The following TEK variants were observed in gnomAD, a reference collection of about 807,000 sequenced individuals.
TEK encodes TEK receptor tyrosine kinase, also known as angiopoietin-1 receptor.
In TEK, 43 loss-of-function variants were observed where a neutral mutation model predicts 131.8. That is an observed-to-expected ratio of 0.33 (90% CI 0.26 to 0.42). The LOEUF (loss-of-function observed/expected upper bound fraction) is 0.42. Ranked by LOEUF, TEK falls within the 10% of genes least tolerant of loss-of-function variation. The pLI is 1.00. For missense variants in TEK, 1,162 were observed against 1,384.4 expected (o/e 0.84, Z 2.55); for synonymous variants, 580 against 491.6 (o/e 1.18, Z -2.38).
intron 20 of TEK, among the ~76,000 whole-genome samples, chr9:27,219,492 T>C (rs1825962603): frequency 6.6e-6 from 1 of 151,680 alleles, no homozygotes. Flanking sequence ...TGTCAGAGGG[T>C]AGGGAACAAG....
chr9:27,219,731 A>ATATGAGTTAT (rs1564107800), intron 20 of TEK, among the ~76,000 whole-genome samples: 6 of 136,490 alleles, frequency 4.4e-5, no homozygotes, highest in Admixed American at 1.4e-4. Context: ...CAATCAGAAA[A>ATATGAGTTAT]AAAGGTTAAT....
intron 1 of TEK, among the ~76,000 whole-genome samples, chr9:27,154,733 A>G (rs897927838): frequency 1.3e-5 from 2 of 152,202 alleles, no homozygotes; most frequent in Non-Finnish European, 2.9e-5. Flanking sequence ...CTGGTACTGT[A>G]AATGGGGTTA....
intron 1 of TEK, among the ~76,000 whole-genome samples, chr9:27,117,745 C>T (rs996382419): frequency 3.3e-5 from 5 of 152,172 alleles, no homozygotes; most frequent in South Asian, 2.1e-4. Context: ...TGAAGGGCAT[C>T]GTGGGCGGCT....
chr9:27,135,160 G>A (rs924780122), intron 1 of TEK, among the ~76,000 whole-genome samples: 7 of 151,986 alleles, frequency 4.6e-5, no homozygotes, highest in Non-Finnish European at 1.0e-4. Flanking sequence ...GGAGGTGGAG[G>A]TTGCAGTGAG....
intron 1 of TEK, among the ~76,000 whole-genome samples, chr9:27,143,503 T>C (rs1224619014): frequency 2.6e-5 from 4 of 151,976 alleles, no homozygotes; most frequent in Non-Finnish European, 5.9e-5. Context: ...TCATACACTG[T>C]GATGTTGAAA....
chr9:27,177,548 C>T (rs1425749031), intron 6 of TEK, among the ~76,000 whole-genome samples: 4 of 152,120 alleles, frequency 2.6e-5, no homozygotes, highest in African/African-American at 4.8e-5. Flanking sequence ...GTTGGGAGTT[C>T]GAGACCAGCC....
At chr9:27,123,714 AC>A (rs1470310906) in intron 1 of TEK, among the ~76,000 whole-genome samples, 1 of 152,198 alleles carries the variant, frequency 6.6e-6, no homozygotes, top group Non-Finnish European at 1.5e-5. Flanking sequence ...AGATGACAAC[AC>A]TGAGGCCCAG....
At position 27,113,302 on chromosome 9, in the gene TEK, A is replaced by G. The variant is rs539011348; in HGVS notation, c.52+3660A>G. 2.0e-5 allele frequency among the ~76,000 whole-genome samples: 3 copies of G among 152,284 alleles called. No individual in the cohort carries two copies. In the East Asian group the frequency reaches 5.8e-4, roughly 29 times the overall value. On this transcript the variant is annotated intron_variant, in intron 1 of 22. Transcript: ENST00000380036. ...CCAGTGAGAACTCTCTTAATAAATG[A>G]AGCTTGGGGCCTGGTGCTGTGGCTC...
chr9:27,173,405 G>A, intron 6 of TEK, 43 bp downstream of exon 6: 1 of 1,612,742 alleles, frequency 6.2e-7, no homozygotes, highest in Non-Finnish European at 8.5e-7. Flanking sequence ...GTTCTAGCAG[G>A]TATATAAAGG....
intron 6 of TEK, among the ~76,000 whole-genome samples, chr9:27,179,597 ATTAAC>A (rs1366988968): frequency 6.6e-6 from 1 of 152,178 alleles, no homozygotes. Context: ...TTAGCAGGCA[ATTAAC>A]TTGGTAGGAT....
At chr9:27,162,634 C>G (rs1261473160) in intron 2 of TEK, among the ~76,000 whole-genome samples, 3 of 152,008 alleles carry the variant, frequency 2.0e-5, no homozygotes, top group Non-Finnish European at 4.4e-5. Flanking sequence ...ACCTAAATAA[C>G]CAAAGGAATA....
intron 16 of TEK, chr9:27,210,533 C>G (rs1337781879): frequency 6.0e-6 from 1 of 167,182 alleles, no homozygotes; most frequent in Non-Finnish European, 1.3e-5. Context: ...GTTGACCCCA[C>G]TGCAGATCTA....
chr9:27,117,006 C>T (rs1311499696), intron 1 of TEK, among the ~76,000 whole-genome samples: 3 of 151,790 alleles, frequency 2.0e-5, no homozygotes, highest in Non-Finnish European at 2.9e-5. Flanking sequence ...GGACTACAGG[C>T]GCCTGCCACC....
In TEK at chr9:27,197,615, T is replaced by G; in HGVS notation, c.1909+16T>G. 6 of 1,613,656 alleles carry G rather than the reference T, an allele frequency of 3.7e-6. No individual in the cohort carries two copies. Among genetic ancestry groups the G allele is most frequent in the Non-Finnish European group, 4.2e-6 (5 of 1,179,866 alleles). On this transcript the variant is annotated intron_variant, in intron 12 of 22. Coordinates refer to ENST00000380036, the MANE Select transcript of TEK (RefSeq NM_000459.5). ...CTTAGTGACAGTAAGTAATTCATGC[T>G]GCTCCAGCCTCATCTGAGCAATAAG...
intron 1 of TEK, among the ~76,000 whole-genome samples, chr9:27,124,726 T>G (rs1821923388): frequency 6.6e-6 from 1 of 152,030 alleles, no homozygotes; most frequent in African/African-American, 2.4e-5. Context: ...ACCTCATGGG[T>G]TTTTTTTGGA....
At chr9:27,190,336 A>C (rs957578628) in intron 9 of TEK, among the ~76,000 whole-genome samples, 193 bp from the exon 10 acceptor site, 1 of 152,166 alleles carries the variant, frequency 6.6e-6, no homozygotes, top group Non-Finnish European at 1.5e-5. Flanking sequence ...TTAAGGAAGC[A>C]CTTTGAGGAT....
At chr9:27,210,791 T>C (rs1446316251) in intron 16 of TEK, among the ~76,000 whole-genome samples, 2 of 152,192 alleles carry the variant, frequency 1.3e-5, no homozygotes, top group Admixed American at 6.5e-5. Flanking sequence ...AAAATTTTGC[T>C]TCGTCATCAC....
Position 27,226,211 on chromosome 9 carries a change from C to A in TEK, c.3201-1995C>A, listed in dbSNP as rs150844537. 6.5e-4 allele frequency among the ~76,000 whole-genome samples: 99 copies of A among 152,290 alleles called. 1 individual carries two copies. In the East Asian group the frequency reaches 0.012, roughly 19 times the overall value. On this transcript the variant is annotated intron_variant, in intron 21 of 22. Transcript: ENST00000380036. ...ATCTAGAATTAGAAATACCATTTGA[C>A]CCAGCCATCCCATTACTGGGAATAT... is the stretch of plus-strand genomic sequence containing the variant.
chr9:27,213,479 T>C lies in TEK; in HGVS notation c.2878-5T>C. 1 of 1,611,536 alleles carries C rather than the reference T, an allele frequency of 6.2e-7. No individual in the cohort carries two copies. The highest frequency in any genetic ancestry group is 1.3e-5 in the African/African-American group (1 of 74,996). On this transcript the variant is annotated splice_region_variant and splice_polypyrimidine_tract_variant and intron_variant, in intron 17 of 22. Transcript: ENST00000380036. ...GAAAATACATAATGTTTTCAAAAAT[T>C]TCAGTTTATCCACAGGGATCTGGCT...
Sources: allele counts gnomAD v4.1 joint callset (sites outside exome capture counted in the v4.1 genomes callset), GRCh38; gene constraint gnomAD v4.1.1; transcripts MANE v1.5; gene names NCBI Gene and HGNC (gene_info 2026-07-23, HGNC 2026-07-21).